Variants in WNT9B observed in about 807,000 individuals in gnomAD.
The protein encoded by WNT9B is Wnt family member 9B.
WNT9B carries 12 observed loss-of-function variants against 30.2 expected under a neutral mutation model. That is an observed-to-expected ratio of 0.40 (90% CI 0.26 to 0.64). The LOEUF is 0.64. Ranked by LOEUF, WNT9B falls within the 30% of genes least tolerant of loss-of-function variation. WNT9B has a pLI of 0.42. For missense variants in WNT9B, 442 were observed against 485.2 expected, an observed-to-expected ratio of 0.91 and a Z score of 0.84; for synonymous variants, 218 against 216.9, an observed-to-expected ratio of 1.01 and a Z score of -0.05.
downstream of WNT9B, among the ~76,000 whole-genome samples, chr17:46,882,734 C>T (rs988647498): frequency 9.2e-5 from 14 of 152,296 alleles, no homozygotes; most frequent in African/African-American, 3.1e-4. Context: ...GCAGCAAACA[C>T]GGATTGGTGG....
chr17:46,876,842 GCACA>G lies in WNT9B; in HGVS notation c.*126_*129del, dbSNP rs1459712866. ...TGCATAAACCGGCATGTGTGCCAATGCACACGAGTGTGCCACTCACCACCATTCC... is the reference window on the plus strand; with the variant it reads ...TGCATAAACCGGCATGTGTGCCAATGCGAGTGTGCCACTCACCACCATTCC... On this transcript the variant is annotated 3_prime_UTR_variant, in exon 4 of 4. Coordinates refer to ENST00000290015, the MANE Select transcript of WNT9B (RefSeq NM_003396.3). The G allele has an allele frequency of 3.6e-5, 51 of 1,430,126 alleles. No homozygotes were observed. The highest frequency in any genetic ancestry group is 4.6e-5 in the Non-Finnish European group (50 of 1,088,012). 88.6% of individuals were successfully genotyped at this position (1,430,126 alleles called of 1,614,324 possible).
chr17:46,840,467 CA>C (rs948236680), intron 1 of WNT9B, among the ~76,000 whole-genome samples: 2 of 152,222 alleles, frequency 1.3e-5, no homozygotes, highest in African/African-American at 4.8e-5. Context: ...CCACAATAAA[CA>C]TATGTGTGCA....
intron 1 of WNT9B, among the ~76,000 whole-genome samples, chr17:46,853,675 T>C (rs1275118376): frequency 6.6e-6 from 1 of 152,128 alleles, no homozygotes; most frequent in Non-Finnish European, 1.5e-5. Context: ...GCTAGTTTTT[T>C]TCATTAAGGA....
intron 1 of WNT9B, among the ~76,000 whole-genome samples, chr17:46,854,329 A>T (rs1286281375): frequency 6.6e-6 from 1 of 152,248 alleles, no homozygotes; most frequent in Non-Finnish European, 1.5e-5. Flanking sequence ...CTTCCTCCGC[A>T]GTCATTTGCA....
intron 2 of WNT9B, among the ~76,000 whole-genome samples, chr17:46,873,719 T>C (rs960157728): frequency 2.0e-5 from 3 of 150,380 alleles, no homozygotes; most frequent in African/African-American, 7.5e-5. Flanking sequence ...ATTTAAACAC[T>C]GCAGTTGGCC....
chr17:46,884,673 T>G (rs1364769353), downstream of WNT9B, among the ~76,000 whole-genome samples: 1 of 152,204 alleles, frequency 6.6e-6, no homozygotes, highest in East Asian at 1.9e-4. Context: ...TTGAATCTTA[T>G]GACAACGCTC....
chr17:46,855,276 C>T (rs1320292761), intron 1 of WNT9B, among the ~76,000 whole-genome samples: 3 of 152,230 alleles, frequency 2.0e-5, no homozygotes, highest in Non-Finnish European at 4.4e-5. Context: ...CTCTTTTAGA[C>T]TCTCTTGGCT....
downstream of WNT9B, among the ~76,000 whole-genome samples, chr17:46,883,136 G>A (rs1053330338): frequency 7.9e-5 from 12 of 151,380 alleles, no homozygotes; most frequent in Non-Finnish European, 1.3e-4. Context: ...CCGCCACCAC[G>A]CCCGGCTAAT....
chr17:46,837,201 A>T (rs1024967248), intron 1 of WNT9B, among the ~76,000 whole-genome samples: 1 of 152,102 alleles, frequency 6.6e-6, no homozygotes, highest in Non-Finnish European at 1.5e-5. Flanking sequence ...GCGGCCCCCC[A>T]AAGTGCTGGG....
At chr17:46,864,998 G>T (rs539607790) in intron 1 of WNT9B, among the ~76,000 whole-genome samples, 1 of 152,148 alleles carries the variant, frequency 6.6e-6, no homozygotes, top group Non-Finnish European at 1.5e-5. Flanking sequence ...TAGGAACTGG[G>T]GTAGATGTTT....
intron 1 of WNT9B, among the ~76,000 whole-genome samples, chr17:46,840,636 T>C (rs571408805): frequency 6.6e-6 from 1 of 152,366 alleles, no homozygotes; most frequent in East Asian, 1.9e-4. Context: ...AAAGTGTTCC[T>C]GTTTCTCCAC....
At chr17:46,848,520 T>TG (rs1374726814), upstream of WNT9B, among the ~76,000 whole-genome samples, 3 of 152,262 alleles carry the variant, frequency 2.0e-5, no homozygotes, top group Non-Finnish European at 4.4e-5. Flanking sequence ...TCCCAAGGGC[T>TG]GCTCTTCATG....
intron 2 of WNT9B, among the ~76,000 whole-genome samples, chr17:46,873,275 C>T (rs1249403649): frequency 6.6e-6 from 1 of 152,118 alleles, no homozygotes; most frequent in Non-Finnish European, 1.5e-5. Flanking sequence ...TCCTTCCCTT[C>T]CACTCCCATT....
At chr17:46,858,637 G>A (rs1295087187) in intron 1 of WNT9B, among the ~76,000 whole-genome samples, 5 of 152,058 alleles carry the variant, frequency 3.3e-5, no homozygotes, top group Non-Finnish European at 7.4e-5. Flanking sequence ...TTCTCATACA[G>A]CCCCTTCTCT....
chr17:46,864,514 A>G (rs1175111654), intron 1 of WNT9B, among the ~76,000 whole-genome samples: 2 of 152,172 alleles, frequency 1.3e-5, no homozygotes, highest in Non-Finnish European at 2.9e-5. Context: ...TGAGTTTCAG[A>G]CCAGGGAAAG....
At chr17:46,861,376 C>T (rs1405531026) in intron 1 of WNT9B, among the ~76,000 whole-genome samples, 5 of 152,186 alleles carry the variant, frequency 3.3e-5, no homozygotes, top group Non-Finnish European at 5.9e-5. Context: ...TCTTGGTGGG[C>T]AGCGTCCTCT....
intron 1 of WNT9B, among the ~76,000 whole-genome samples, chr17:46,838,838 A>G (rs2084664790): frequency 6.6e-6 from 1 of 152,104 alleles, no homozygotes; most frequent in African/African-American, 2.4e-5. Context: ...ATTACTCACC[A>G]TATAAAATGG....
At chr17:46,845,803 T>C (rs2146531232) in intron 1 of WNT9B, among the ~76,000 whole-genome samples, 1 of 147,834 alleles carries the variant, frequency 6.8e-6, no homozygotes, top group East Asian at 2.0e-4. Context: ...TTTTTTTTTT[T>C]TTTTTGAGAT....
At chr17:46,863,063 C>T (rs563518286) in intron 1 of WNT9B, among the ~76,000 whole-genome samples, 2 of 152,204 alleles carry the variant, frequency 1.3e-5, no homozygotes, top group South Asian at 2.1e-4. Flanking sequence ...GGGATGGCCC[C>T]GAGATCTGGC....
Sources: allele counts gnomAD v4.1 joint callset (sites outside exome capture counted in the v4.1 genomes callset), GRCh38; gene constraint gnomAD v4.1.1; transcripts MANE v1.5; gene names NCBI Gene and HGNC (gene_info 2026-07-23, HGNC 2026-07-21).